DLGAP2: variants seen among roughly 807,000 people sequenced by gnomAD.
DLGAP2 encodes DLG associated protein 2.
A neutral mutation model predicts 100.3 loss-of-function variants in DLGAP2; 26 were observed. The ratio of observed to expected loss-of-function variants is 0.26; its 90% CI spans 0.19 to 0.36. The LOEUF is 0.36. DLGAP2 is among the 10% of genes least tolerant of loss of function. The pLI is 1.00. For missense variants in DLGAP2, 1,858 were observed against 1,453.2 expected (o/e 1.28, Z -4.53); for synonymous variants, 886 against 630.1 (o/e 1.41, Z -6.08).
At chr8:785,959 A>C (rs1400620181) in intron 1 of DLGAP2, among the ~76,000 whole-genome samples, 1 of 152,228 alleles carries the variant, frequency 6.6e-6, no homozygotes, top group East Asian at 1.9e-4. Flanking sequence ...CGGGAGCACC[A>C]GGCGATATCA....
chr8:1,460,976 G>T (rs1798454764), intron 3 of DLGAP2, among the ~76,000 whole-genome samples: 1 of 152,228 alleles, frequency 6.6e-6, no homozygotes, highest in South Asian at 2.1e-4. Context: ...TGGAAAGCCT[G>T]GCCTGGGTTT....
At chr8:924,696 C>G (rs767589550) in intron 2 of DLGAP2, among the ~76,000 whole-genome samples, 2 of 152,010 alleles carry the variant, frequency 1.3e-5, no homozygotes, top group African/African-American at 2.4e-5. Flanking sequence ...GATTTTCCTG[C>G]CTCAGCCTCC....
intron 6 of DLGAP2, among the ~76,000 whole-genome samples, chr8:1,606,856 TG>T (rs1796816674): frequency 6.6e-6 from 1 of 152,114 alleles, no homozygotes; most frequent in South Asian, 2.1e-4. Context: ...GCTAAGTTTT[TG>T]TATTTTTGGT....
chr8:1,533,884 G>GT (rs1801068888), intron 4 of DLGAP2, among the ~76,000 whole-genome samples: 1 of 152,186 alleles, frequency 6.6e-6, no homozygotes, highest in South Asian at 2.1e-4. Flanking sequence ...TTGAGCGGGA[G>GT]TTTGAGGCGA....
chr8:1,329,473 A>T (rs28744554), intron 3 of DLGAP2, among the ~76,000 whole-genome samples: 56,925 of 152,120 alleles, frequency 0.37, 12,152 homozygotes, highest in African/African-American at 0.58. Flanking sequence ...AAATTTTTCA[A>T]ATCTATCATT....
At chr8:1,471,654 C>T (rs951226648) in intron 3 of DLGAP2, among the ~76,000 whole-genome samples, 18 of 151,428 alleles carry the variant, frequency 1.2e-4, no homozygotes, top group Non-Finnish European at 2.6e-4. Context: ...AAACAACCAC[C>T]CCACACACCT....
chr8:1,655,716 T>C (rs1429652387), intron 8 of DLGAP2, among the ~76,000 whole-genome samples: 1 of 152,212 alleles, frequency 6.6e-6, no homozygotes. Context: ...TCCAGTAAAA[T>C]GCTTTGGTCC....
chr8:974,247 A>G (rs1241564194), intron 2 of DLGAP2, among the ~76,000 whole-genome samples: 1 of 152,242 alleles, frequency 6.6e-6, no homozygotes, highest in Non-Finnish European at 1.5e-5. Context: ...AAAGATGAAA[A>G]TGAAATCTTG....
At chr8:1,198,869 C>G (rs567512014) in intron 2 of DLGAP2, among the ~76,000 whole-genome samples, 15 of 152,350 alleles carry the variant, frequency 9.8e-5, no homozygotes, top group East Asian at 1.9e-4. Context: ...GAGCTGCACC[C>G]CCACGCCTGC....
At chr8:863,541 G>T (rs1366280440) in intron 1 of DLGAP2, among the ~76,000 whole-genome samples, 1 of 152,196 alleles carries the variant, frequency 6.6e-6, no homozygotes, top group Admixed American at 6.5e-5. Context: ...TGCATGCTTT[G>T]CTAGTATTTT....
At chr8:1,592,162 C>T (rs938375730) in intron 6 of DLGAP2, among the ~76,000 whole-genome samples, 2 of 152,210 alleles carry the variant, frequency 1.3e-5, no homozygotes, top group Non-Finnish European at 2.9e-5. Flanking sequence ...GCTTACCTAA[C>T]GGGGCCATCT....
intron 2 of DLGAP2, among the ~76,000 whole-genome samples, chr8:1,214,936 A>G (rs973321565): frequency 6.6e-6 from 1 of 152,242 alleles, no homozygotes; most frequent in African/African-American, 2.4e-5. Context: ...GCTGAAACAC[A>G]CTAGAACATG....
intron 1 of DLGAP2, among the ~76,000 whole-genome samples, chr8:796,206 C>T (rs1274302625): frequency 6.6e-6 from 1 of 152,116 alleles, no homozygotes; most frequent in Non-Finnish European, 1.5e-5. Flanking sequence ...TTTGGGGGTT[C>T]CAGGTAGAGT....
intron 3 of DLGAP2, among the ~76,000 whole-genome samples, chr8:1,366,076 T>A (rs1459789714): frequency 6.6e-6 from 1 of 152,246 alleles, no homozygotes; most frequent in East Asian, 1.9e-4. Context: ...ATGTGCCTTA[T>A]GTCACTGTGC....
intron 8 of DLGAP2, among the ~76,000 whole-genome samples, chr8:1,639,271 G>A (rs968841585): frequency 3.3e-5 from 5 of 152,188 alleles, no homozygotes; most frequent in Non-Finnish European, 7.3e-5. Context: ...GGGGCCTCCA[G>A]AAGGAGCAGT....
rs781602632 is a variant in DLGAP2, at chr8:889,316, C to G, written c.19-18596C>G. ...GGCCCCGTTTAATGAAGCACTTTGT[C>G]CCTTGGTGGAGAGGGTGTGTTTCAC... On this transcript the variant is annotated intron_variant, in intron 1 of 14. Transcript: ENST00000637795. Among the ~76,000 whole-genome samples the G allele has an allele frequency of 3.3e-5, 5 of 152,158 alleles. No homozygotes were observed. In the South Asian group the frequency reaches 8.3e-4, roughly 25 times the overall value.
chr8:1,615,042 A>G (rs1384021547), intron 6 of DLGAP2, among the ~76,000 whole-genome samples: 3 of 152,268 alleles, frequency 2.0e-5, no homozygotes, highest in Non-Finnish European at 2.9e-5. Context: ...AGACAGCTGC[A>G]GTCTCCTTGG....
At chr8:1,429,272 C>G (rs898215747) in intron 3 of DLGAP2, among the ~76,000 whole-genome samples, 5 of 152,210 alleles carry the variant, frequency 3.3e-5, no homozygotes, top group African/African-American at 1.2e-4. Flanking sequence ...GGTAAGGGCT[C>G]TCGTTTCATT....
chr8:1,675,167 C>A (rs963129897), intron 10 of DLGAP2, among the ~76,000 whole-genome samples: 1 of 152,224 alleles, frequency 6.6e-6, no homozygotes, highest in Non-Finnish European at 1.5e-5. Flanking sequence ...GAATTACACC[C>A]GGTGAAAGTG....
Sources: allele counts gnomAD v4.1 joint callset (sites outside exome capture counted in the v4.1 genomes callset), GRCh38; gene constraint gnomAD v4.1.1; transcripts MANE v1.5; gene names NCBI Gene and HGNC (gene_info 2026-07-23, HGNC 2026-07-21).